The following CCDC88A variants were observed in gnomAD, a reference collection of about 807,000 sequenced individuals.
The protein encoded by CCDC88A is girdin.
In CCDC88A, 54 loss-of-function variants were observed where a neutral mutation model predicts 234.3. The observed-to-expected ratio is 0.23, with a 90% CI of 0.19 to 0.29. The LOEUF (loss-of-function observed/expected upper bound fraction) is 0.29. Ranked by LOEUF, CCDC88A falls within the 10% of genes least tolerant of loss-of-function variation. The pLI is 1.00. For missense variants in CCDC88A, 1,832 were observed against 2,123.4 expected (o/e 0.86, Z 2.70); for synonymous variants, 753 against 737.8 (o/e 1.02, Z -0.33).
intron 5 of CCDC88A, among the ~76,000 whole-genome samples, chr2:55,366,626 T>C (rs1326214792): frequency 6.6e-6 from 1 of 150,934 alleles, no homozygotes; most frequent in African/African-American, 2.4e-5. Flanking sequence ...AAAAAGTGAT[T>C]AGGGTGGGAG....
chr2:55,343,848 G>T (rs1366511385), intron 11 of CCDC88A, 56 bp from the exon 12 acceptor site: 4 of 1,350,144 alleles, frequency 3.0e-6, no homozygotes, highest in South Asian at 3.1e-5. Context: ...GTACAATTTT[G>T]AGCAAATACT....
chr2:55,409,738 CTTTTTTTT>C (rs61703330), intron 2 of CCDC88A, among the ~76,000 whole-genome samples: 4 of 111,730 alleles, frequency 3.6e-5, no homozygotes, highest in African/African-American at 1.3e-4. Context: ...ATATACCTCC[CTTTTTTTT>C]TTTTTTTTTT....
chr2:55,382,894 T>C (rs911457109), intron 3 of CCDC88A, among the ~76,000 whole-genome samples: 3 of 152,204 alleles, frequency 2.0e-5, no homozygotes, highest in African/African-American at 4.8e-5. Flanking sequence ...AGTTTTTTAC[T>C]CATCTATTAT....
chr2:55,299,622 T>C (rs1213798185), intron 29 of CCDC88A, among the ~76,000 whole-genome samples: 1 of 152,194 alleles, frequency 6.6e-6, no homozygotes, highest in Non-Finnish European at 1.5e-5. Flanking sequence ...TCTATGAAGA[T>C]GAAAAAGTGA....
rs1226281633 is a variant in CCDC88A at position 55,332,411 on chromosome 2, C to T, written c.2855+155G>A. 1.5e-5 allele frequency: 20 copies of T among 1,297,342 alleles called. No homozygotes were observed. Among genetic ancestry groups the T allele is most frequent in the East Asian group, 1.3e-4 (4 of 31,804 alleles). 80.4% of individuals were successfully genotyped at this position (1,297,342 alleles called of 1,614,324 possible). A position where few individuals can be genotyped will look rare whatever the true frequency, so the allele number is the denominator to read the frequency against. On this transcript the variant is annotated intron_variant, in intron 16 of 32. Coordinates refer to ENST00000436346, the MANE Select transcript of CCDC88A (RefSeq NM_001365480.1). The surrounding 1 kb of genome is among the most constrained non-coding windows in gnomAD (Gnocchi z 4.5). Reference sequence around the variant, plus strand: ...TGCTGGGATTATAGGTGTGAGCCACCGCACCCGGCTACAGAACTTTCCTTA... The same window carrying T: ...TGCTGGGATTATAGGTGTGAGCCACTGCACCCGGCTACAGAACTTTCCTTA...
Position 55,295,807 on chromosome 2 carries a change from T to A in CCDC88A, c.5341A>T (p.Ile1781Leu), listed in dbSNP as rs1188719613. 1.2e-6 allele frequency: 2 copies of A among 1,614,166 alleles called. No individual in the cohort carries two copies. Among genetic ancestry groups the A allele is most frequent in the Admixed American group, 3.3e-5 (2 of 60,026 alleles). ...GKPTPGTQGK[I>L]KLVKESSLSR... is the part of the protein sequence containing the mutation. ...AGAGAAGATTCTTTTACTAATTTTA[T>A]TTTTCCTTGAGTGCCTGGTGTAGGT... Residue 1781 changes from isoleucine (I) to leucine (L), a missense_variant, in exon 31 of 33, where the codon ATA becomes TTA. By Grantham distance (5) the Ile-to-Leu change is conservative (BLOSUM62 2). This residue lies in a region of CCDC88A where 422 missense variants were observed against 416.5 expected (regional missense o/e 1.01). Transcript: ENST00000436346.
chr2:55,391,741 A>C (rs2104904887), intron 2 of CCDC88A, among the ~76,000 whole-genome samples: 1 of 152,312 alleles, frequency 6.6e-6, no homozygotes, highest in African/African-American at 2.4e-5. Context: ...AGAGGGGAGA[A>C]AAAGCTGAAA....
chr2:55,341,289 C>G (rs915102836), intron 12 of CCDC88A, among the ~76,000 whole-genome samples: 1 of 150,994 alleles, frequency 6.6e-6, no homozygotes, highest in Non-Finnish European at 1.5e-5. Flanking sequence ...GGACTACAGG[C>G]GCGCGCCACC....
At chr2:55,300,323 G>A (rs572526699) in intron 28 of CCDC88A, 10 of 179,076 alleles carry the variant, frequency 5.6e-5, no homozygotes, top group Admixed American at 1.1e-4. Context: ...CATCTATACA[G>A]TTAATGTCCT....
intron 8 of CCDC88A, 171 bp downstream of exon 8, chr2:55,355,408 A>C: frequency 1.7e-6 from 1 of 598,462 alleles, no homozygotes; most frequent in Non-Finnish European, 2.9e-6. Flanking sequence ...GGCATCCTTT[A>C]AACTGTTAAG....
At chr2:55,400,857 T>C (rs566274848) in intron 2 of CCDC88A, among the ~76,000 whole-genome samples, 1 of 152,358 alleles carries the variant, frequency 6.6e-6, no homozygotes, top group East Asian at 1.9e-4. Flanking sequence ...GGTTGTAGTG[T>C]GGTCTTTTAA....
At chr2:55,376,255 G>C (rs750549633) in intron 3 of CCDC88A, among the ~76,000 whole-genome samples, 9 of 152,098 alleles carry the variant, frequency 5.9e-5, no homozygotes, top group Non-Finnish European at 1.0e-4. Context: ...CTGAATCTTT[G>C]CAATATTAAG....
chr2:55,302,554 T>C (rs1028264997), intron 26 of CCDC88A: 4 of 163,230 alleles, frequency 2.5e-5, no homozygotes, highest in Admixed American at 1.2e-4. Context: ...CTGAAAGAGA[T>C]GATATCTAAA....
Position 55,317,370 on chromosome 2 carries a change from T to C in CCDC88A, c.3603-21A>G. Reference sequence around the variant, plus strand: ...TGTAACTGGGGGGAAAAAAGGCATTTGGTTTATAATATTTACAAAAAAGAA... The same window carrying C: ...TGTAACTGGGGGGAAAAAAGGCATTCGGTTTATAATATTTACAAAAAAGAA... On this transcript the variant is annotated intron_variant, in intron 20 of 32. Transcript: ENST00000436346. The surrounding 1 kb of genome is among the most constrained non-coding windows in gnomAD (Gnocchi z 4.2). 6.9e-7 allele frequency: 1 copy of C among 1,441,106 alleles called. No homozygotes were observed. 89.3% of individuals were successfully genotyped at this position (1,441,106 alleles called of 1,614,324 possible).
chr2:55,330,267 G>A (rs1248306066), intron 16 of CCDC88A: 2 of 152,010 alleles, frequency 1.3e-5, no homozygotes, highest in Non-Finnish European at 2.9e-5. Flanking sequence ...AGAGGACAAG[G>A]TGGGTGGATC....
chr2:55,289,685 C>T lies in CCDC88A; in HGVS notation c.*1515G>A, dbSNP rs961889342. On this transcript the variant is annotated 3_prime_UTR_variant, in exon 33 of 33. Transcript: ENST00000436346. ...AGTTCCATTTCAATTTAAACATGCT[C>T]TCTTTTTTATTGATGGTCTTTTGGA... 1 of 152,046 alleles carries T rather than the reference C, an allele frequency of 6.6e-6. No individual in the cohort carries two copies. The highest frequency in any genetic ancestry group is 6.6e-5 in the Admixed American group (1 of 15,254). 9.4% of individuals were successfully genotyped at this position (152,046 alleles called of 1,614,324 possible).
At chr2:55,416,602 TATAA>T (rs1489239494) in intron 2 of CCDC88A, among the ~76,000 whole-genome samples, 1 of 150,254 alleles carries the variant, frequency 6.7e-6, no homozygotes, top group African/African-American at 2.4e-5. Flanking sequence ...ATGGAAAATA[TATAA>T]ATAGTTTCAT....
rs569746915 is a variant in CCDC88A, at chr2:55,305,552, A to T, written c.4388-2400T>A. Among the ~76,000 whole-genome samples the T allele has an allele frequency of 3.3e-5, 5 of 150,740 alleles. No homozygotes were observed. The South Asian group carries it at 1.0e-3, about 31-fold the overall frequency. ...TGTGTATGCTTATATCTGAATTGAC[A>T]TTTTTTTCCTTTAAAGCCAGGCAGT... On this transcript the variant is annotated intron_variant, in intron 25 of 32. Transcript: ENST00000436346.
rs1017675669 is a variant in CCDC88A, at chr2:55,419,768, A to G, written c.-689T>C. ...ACCCCCCAGCTTCCTAAGCCCTGCC[A>G]GCCTTTCAGCGCGTCTCTGGGAATC... On this transcript the variant is annotated 5_prime_UTR_variant, in exon 1 of 33. Coordinates refer to ENST00000436346, the MANE Select transcript of CCDC88A (RefSeq NM_001365480.1). The G allele has an allele frequency of 3.9e-5, 6 of 152,118 alleles. No individual in the cohort carries two copies. The highest frequency in any genetic ancestry group is 2.9e-5 in the Non-Finnish European group (2 of 68,314). The allele number at this position is 152,118 out of a possible 1,614,324, so 9.4% of individuals were successfully genotyped here.
Sources: allele counts gnomAD v4.1 joint callset (sites outside exome capture counted in the v4.1 genomes callset), GRCh38; gene constraint gnomAD v4.1.1; regional missense constraint gnomAD v4.1.1; non-coding constraint Gnocchi (gnomAD v3.1); transcripts MANE v1.5; gene names NCBI Gene and HGNC (gene_info 2026-07-23, HGNC 2026-07-21).